DIP2A: variants seen among roughly 807,000 people sequenced by gnomAD.
DIP2A encodes DIP2 acetate--CoA ligase A.
Under a neutral mutation model 177.4 loss-of-function variants are expected in DIP2A, and 85 were observed. The observed-to-expected ratio is 0.48, with a 90% CI of 0.40 to 0.57. The LOEUF (loss-of-function observed/expected upper bound fraction) is 0.57. Among genes scored for constraint, DIP2A ranks in the 20% least tolerant of loss-of-function variants. DIP2A has a pLI of 0.00. For missense variants in DIP2A, 1,791 were observed against 2,100.2 expected (o/e 0.85, Z 2.88); for synonymous variants, 886 against 881.8 (o/e 1.00, Z -0.08).
At position 46,534,251 on chromosome 21, in the gene DIP2A, A is replaced by C. The variant is rs536988757; in HGVS notation, c.1539+138A>C. 1,555 of 692,314 alleles carry C rather than the reference A, an allele frequency of 2.2e-3. 8 individuals are homozygous for C. Among genetic ancestry groups the C allele is most frequent in the Middle Eastern group, 7.6e-3 (31 of 4,068 alleles). 42.9% of individuals were successfully genotyped at this position (692,314 alleles called of 1,614,324 possible). ...TTCTTGTTTTATCTCTGCCCTGGAAATACAGAGTGTCATATAAATCCTTGC... is the reference window on the plus strand; with the variant it reads ...TTCTTGTTTTATCTCTGCCCTGGAACTACAGAGTGTCATATAAATCCTTGC... On this transcript the variant is annotated intron_variant, in intron 12 of 37. Transcript: ENST00000417564.
At position 46,556,335 on chromosome 21, in the gene DIP2A, C is replaced by T; in HGVS notation, c.3498+244C>T. ...TTCTGATTTATGACTGTCTAGCTTA[C>T]AGGAACTGGTGGCTTTGAAGAATCT... On this transcript the variant is annotated intron_variant, in intron 29 of 37. Transcript: ENST00000417564. This position sits in a 1 kb window ranked among gnomAD's most constrained non-coding sequence, Gnocchi z 4.5. 2.1e-6 allele frequency: 3 copies of T among 1,459,416 alleles called. No homozygotes were observed. The highest frequency in any genetic ancestry group is 1.4e-5 in the African/African-American group (1 of 70,968). 90.4% of individuals were successfully genotyped at this position (1,459,416 alleles called of 1,614,324 possible).
chr21:46,557,562 C>T lies in DIP2A; in HGVS notation c.3630-23C>T, dbSNP rs775045930. 2 of 1,593,184 alleles carry T rather than the reference C, an allele frequency of 1.3e-6. No individual in the cohort carries two copies. The highest frequency in any genetic ancestry group is 2.7e-5 in the African/African-American group (2 of 74,556). On this transcript the variant is annotated intron_variant, in intron 30 of 37. Coordinates refer to ENST00000417564, the MANE Select transcript of DIP2A (RefSeq NM_015151.4). The surrounding 1 kb of genome is among the most constrained non-coding windows in gnomAD (Gnocchi z 6.0). Reference sequence around the variant, plus strand: ...AGGGTGCTGGGTGGGCGGGCGGAGCCTCACGAGCCTTCCCTCTCGCAGTGT... The same window carrying T: ...AGGGTGCTGGGTGGGCGGGCGGAGCTTCACGAGCCTTCCCTCTCGCAGTGT...
intron 8 of DIP2A, among the ~76,000 whole-genome samples, chr21:46,516,950 G>A (rs1025696947): frequency 2.6e-5 from 4 of 151,368 alleles, no homozygotes; most frequent in African/African-American, 9.7e-5. Flanking sequence ...TGCTTCTGCT[G>A]CCTTGAATAC....
chr21:46,557,807 G>T lies in DIP2A; in HGVS notation c.3798+54G>T. The T allele has an allele frequency of 3.2e-6, 5 of 1,561,846 alleles. No homozygotes were observed. The highest frequency in any genetic ancestry group is 4.4e-6 in the Non-Finnish European group (5 of 1,148,162). Reference sequence around the variant, plus strand: ...GTGCTGCAGACCACAGCCCTGGGAAGTTTAAAAACAACAAAACAAAACAAG... The same window carrying T: ...GTGCTGCAGACCACAGCCCTGGGAATTTTAAAAACAACAAAACAAAACAAG... On this transcript the variant is annotated intron_variant, in intron 31 of 37. Coordinates refer to ENST00000417564, the MANE Select transcript of DIP2A (RefSeq NM_015151.4). The surrounding 1 kb of genome is among the most constrained non-coding windows in gnomAD (Gnocchi z 6.0).
chr21:46,534,709 G>T (rs1426724589), intron 13 of DIP2A, 22 bp downstream of exon 13: 13 of 1,594,478 alleles, frequency 8.2e-6, no homozygotes, highest in African/African-American at 2.7e-5. Flanking sequence ...CGGGGGTGGG[G>T]CGGTGGCCCC....
intron 8 of DIP2A, among the ~76,000 whole-genome samples, chr21:46,513,881 C>G (rs1413716550): frequency 6.6e-6 from 1 of 152,084 alleles, no homozygotes; most frequent in Non-Finnish European, 1.5e-5. Context: ...CCAAACACTT[C>G]TAATCTCAAG....
At chr21:46,476,415 A>G (rs1271794750) in intron 1 of DIP2A, among the ~76,000 whole-genome samples, 2 of 152,172 alleles carry the variant, frequency 1.3e-5, no homozygotes, top group East Asian at 3.8e-4. Flanking sequence ...TGGCATCAGC[A>G]TGACTCCACA....
At chr21:46,504,157 G>A (rs922958483) in intron 5 of DIP2A, among the ~76,000 whole-genome samples, 6 of 152,254 alleles carry the variant, frequency 3.9e-5, no homozygotes, top group Non-Finnish European at 5.9e-5. Flanking sequence ...CCACATGCAC[G>A]CAGATGTCTG....
intron 1 of DIP2A, among the ~76,000 whole-genome samples, chr21:46,464,615 A>G (rs1163273245): frequency 6.6e-6 from 1 of 152,128 alleles, no homozygotes; most frequent in Non-Finnish European, 1.5e-5. Context: ...CTGTCATCCC[A>G]TGGTGGAAGG....
chr21:46,509,398 G>A, intron 7 of DIP2A, 22 bp downstream of exon 7: 2 of 1,593,948 alleles, frequency 1.3e-6, no homozygotes, highest in Non-Finnish European at 1.7e-6. Context: ...CCAACTTTGA[G>A]CTTTTCTGTT....
chr21:46,511,755 A>G (rs117121475), intron 8 of DIP2A, 141 bp downstream of exon 8: 45,655 of 897,592 alleles, frequency 0.051, 1,466 homozygotes, highest in Non-Finnish European at 0.059. Context: ...GACCTATACC[A>G]GGTACCCATC....
intron 1 of DIP2A, among the ~76,000 whole-genome samples, chr21:46,464,817 C>CTTTT (rs1168153777): frequency 8.2e-5 from 6 of 73,438 alleles, no homozygotes; most frequent in African/African-American, 3.0e-4. Context: ...ATATTCATGT[C>CTTTT]TTTTTTTTTT....
At position 46,560,799 on chromosome 21, in the gene DIP2A, T is replaced by A; in HGVS notation, c.4031+16T>A. On this transcript the variant is annotated intron_variant, in intron 33 of 37. Transcript: ENST00000417564. ...GCCATGACAGGTAATGCTCCCAGCC[T>A]GCCTGGGCCCCATGGATACCCAGTG... is the stretch of plus-strand genomic sequence containing the variant. The A allele has an allele frequency of 6.3e-7, 1 of 1,598,302 alleles. No individual in the cohort carries two copies. Among genetic ancestry groups the A allele is most frequent in the Non-Finnish European group, 8.5e-7 (1 of 1,172,760 alleles).
chr21:46,504,502 C>T lies in DIP2A; in HGVS notation c.784+13C>T, dbSNP rs755347046. ...GAAACAGCAGATGGTGAGCCTGCCTCTCTTTCTCCTCGTGAAATAGCAGAA... is the reference window on the plus strand; with the variant it reads ...GAAACAGCAGATGGTGAGCCTGCCTTTCTTTCTCCTCGTGAAATAGCAGAA... On this transcript the variant is annotated intron_variant, in intron 6 of 37. Transcript: ENST00000417564. 1.1e-5 allele frequency: 18 copies of T among 1,593,010 alleles called. No individual in the cohort carries two copies. Among genetic ancestry groups the T allele is most frequent in the Non-Finnish European group, 1.4e-5 (16 of 1,169,758 alleles).
the DIP2A span, among the ~76,000 whole-genome samples, chr21:46,583,543 T>C: frequency 3.3e-5 from 5 of 152,252 alleles, no homozygotes; most frequent in African/African-American, 4.8e-5. Context: ...GGAATTGATA[T>C]AGTTTGAATT....
At chr21:46,473,446 C>G (rs966622666) in intron 1 of DIP2A, among the ~76,000 whole-genome samples, 2 of 143,804 alleles carry the variant, frequency 1.4e-5, no homozygotes, top group African/African-American at 5.4e-5. Context: ...CACAGTGAGA[C>G]CATGTCTCAG....
At position 46,459,113 on chromosome 21, in the gene DIP2A, G is replaced by T. The variant is rs1478464684; in HGVS notation, c.-19G>T. 9 of 1,476,542 alleles carry T rather than the reference G, an allele frequency of 6.1e-6. No homozygotes were observed. The highest frequency in any genetic ancestry group is 7.2e-6 in the Non-Finnish European group (8 of 1,116,918). The allele number at this position is 1,476,542 out of a possible 1,614,324, so 91.5% of individuals were successfully genotyped here. ...CCGGTCCGGTTCCAGCCTCTGCCCGGACGCTAGCCGGCCTGGCCATGGCTG... is the reference window on the plus strand; with the variant it reads ...CCGGTCCGGTTCCAGCCTCTGCCCGTACGCTAGCCGGCCTGGCCATGGCTG... On this transcript the variant is annotated 5_prime_UTR_variant, in exon 1 of 38. Coordinates refer to ENST00000417564, the MANE Select transcript of DIP2A (RefSeq NM_015151.4).
At chr21:46,489,334 C>G (rs908791858) in intron 2 of DIP2A, among the ~76,000 whole-genome samples, 1 of 152,236 alleles carries the variant, frequency 6.6e-6, no homozygotes, top group Admixed American at 6.5e-5. Context: ...TCCACAGAGC[C>G]AGAGCTGGGT....
chr21:46,461,491 A>T (rs2054310647), intron 1 of DIP2A, among the ~76,000 whole-genome samples: 1 of 152,090 alleles, frequency 6.6e-6, no homozygotes. Context: ...TTTCTGCTCC[A>T]ATGTATTCAT....
Sources: allele counts gnomAD v4.1 joint callset (sites outside exome capture counted in the v4.1 genomes callset), GRCh38; gene constraint gnomAD v4.1.1; non-coding constraint Gnocchi (gnomAD v3.1); transcripts MANE v1.5; gene names NCBI Gene and HGNC (gene_info 2026-07-23, HGNC 2026-07-21).